Variants in ANKFN1 observed in about 807,000 individuals in gnomAD.
ANKFN1 encodes the protein ankyrin repeat and fibronectin type-III domain-containing protein 1.
In ANKFN1, 74 loss-of-function variants were observed where a neutral mutation model predicts 108.7. The observed-to-expected ratio is 0.68, with a 90% CI of 0.56 to 0.83. The LOEUF (loss-of-function observed/expected upper bound fraction) is 0.83, where lower values mean the gene tolerates loss of function less well. Ranked by LOEUF, ANKFN1 falls within the 40% of genes least tolerant of loss-of-function variation. ANKFN1 has a pLI of 0.00. For missense variants in ANKFN1, 1,505 were observed against 1,382.3 expected (o/e 1.09, Z -1.41); for synonymous variants, 547 against 516.2 (o/e 1.06, Z -0.81).
chr17:56,373,786 A>G (rs1258179583), intron 7 of ANKFN1, among the ~76,000 whole-genome samples: 2 of 152,256 alleles, frequency 1.3e-5, no homozygotes, highest in Non-Finnish European at 2.9e-5. Context: ...AAAGAGATTC[A>G]GCGCTTGCTT....
chr17:56,118,834 T>C (rs563235947), intron 4 of ANKFN1, among the ~76,000 whole-genome samples: 59 of 152,288 alleles, frequency 3.9e-4, no homozygotes, highest in African/African-American at 1.4e-3. Context: ...CAAAAGAGAT[T>C]TGGTCTCTGT....
At chr17:56,102,679 T>A (rs1905670110) in intron 4 of ANKFN1, among the ~76,000 whole-genome samples, 1 of 152,030 alleles carries the variant, frequency 6.6e-6, no homozygotes, top group South Asian at 2.1e-4. Flanking sequence ...ATTGTCAAGT[T>A]CTCCACATGA....
intron 4 of ANKFN1, among the ~76,000 whole-genome samples, chr17:56,074,498 CT>C (rs1198721498): frequency 6.6e-6 from 1 of 152,122 alleles, no homozygotes; most frequent in African/African-American, 2.4e-5. Flanking sequence ...GAGTAATTTG[CT>C]AAAGAAATGC....
Position 56,512,101 on chromosome 17 carries a change from G to A in ANKFN1, c.*832G>A, listed in dbSNP as rs2051792793. 6.7e-6 allele frequency among the ~76,000 whole-genome samples: 1 copy of A among 149,886 alleles called. No individual in the cohort carries two copies. Among genetic ancestry groups the A allele is most frequent in the African/African-American group, 2.6e-5 (1 of 39,212 alleles). Reference sequence around the variant, plus strand: ...GAAAGCCTGAATTACAGATAAGACAGGGGAGGGAGAGAGACATGGGCAGAA... The same window carrying A: ...GAAAGCCTGAATTACAGATAAGACAAGGGAGGGAGAGAGACATGGGCAGAA... On this transcript the variant is annotated 3_prime_UTR_variant, in exon 21 of 21. Transcript: ENST00000682825.
At chr17:56,466,049 G>A (rs993521634) in intron 14 of ANKFN1, among the ~76,000 whole-genome samples, 8 of 152,136 alleles carry the variant, frequency 5.3e-5, no homozygotes, top group Admixed American at 2.6e-4. Flanking sequence ...TTATGTACTG[G>A]TGTGCCTATG....
chr17:56,258,519 TG>T (rs1449737869), intron 3 of ANKFN1, among the ~76,000 whole-genome samples: 1 of 152,164 alleles, frequency 6.6e-6, no homozygotes, highest in African/African-American at 2.4e-5. Flanking sequence ...TGTTTACCAC[TG>T]GGCAGAATTT....
chr17:56,515,040 A>T lies in ANKFN1; in HGVS notation c.*3771A>T, dbSNP rs528399008. On this transcript the variant is annotated 3_prime_UTR_variant, in exon 21 of 21. Transcript: ENST00000682825. ...GTTCTTCATCCTGCAACCAAGATGT[A>T]CTTACCTTCTCTTGGAGAACTCACT... Among the ~76,000 whole-genome samples the T allele has an allele frequency of 5.9e-5, 9 of 152,086 alleles. No homozygotes were observed. The highest frequency in any genetic ancestry group is 1.7e-4 in the African/African-American group (7 of 41,510).
intron 1 of ANKFN1, among the ~76,000 whole-genome samples, chr17:56,167,773 G>T (rs544025340): frequency 1.9e-4 from 29 of 152,106 alleles, no homozygotes; most frequent in Non-Finnish European, 3.8e-4. Flanking sequence ...TATGTCATCT[G>T]GATCACGTGG....
intron 17 of ANKFN1, 40 bp downstream of exon 17, chr17:56,480,858 T>C: frequency 6.3e-7 from 1 of 1,594,842 alleles, no homozygotes; most frequent in Non-Finnish European, 8.6e-7. Context: ...TTTTTATGGC[T>C]CATGGAAACT....
At chr17:56,151,013 G>A (rs1022517067), upstream of ANKFN1, among the ~76,000 whole-genome samples, 1 of 152,188 alleles carries the variant, frequency 6.6e-6, no homozygotes, top group Non-Finnish European at 1.5e-5. Flanking sequence ...AGAGTGAGAG[G>A]CAGGATGGAG....
At position 56,301,920 on chromosome 17, in the gene ANKFN1, G is replaced by T. The variant is rs575077916; in HGVS notation, c.54-24301G>T. On this transcript the variant is annotated intron_variant, in intron 3 of 20. Transcript: ENST00000682825. ...TATCAAGGTTTTACATGATTAAGAT[G>T]TTGTAGGCAAGTGCAATGATCAGAA... Among the ~76,000 whole-genome samples, 9 of 152,296 alleles carry T rather than the reference G, an allele frequency of 5.9e-5. No homozygotes were observed. The South Asian group carries it at 1.9e-3, about 32-fold the overall frequency.
At chr17:56,165,999 C>A (rs1910100799) in intron 1 of ANKFN1, among the ~76,000 whole-genome samples, 1 of 152,186 alleles carries the variant, frequency 6.6e-6, no homozygotes, top group South Asian at 2.1e-4. Context: ...GCCTACCATA[C>A]TCTCACCATC....
At chr17:56,380,859 G>A (rs1758613129) in intron 8 of ANKFN1, among the ~76,000 whole-genome samples, 1 of 152,220 alleles carries the variant, frequency 6.6e-6, no homozygotes, top group African/African-American at 2.4e-5. Flanking sequence ...TAGGGGTAGG[G>A]CACAGACAAA....
At chr17:56,494,611 G>T (rs1161968523) in intron 19 of ANKFN1, among the ~76,000 whole-genome samples, 3 of 152,006 alleles carry the variant, frequency 2.0e-5, no homozygotes, top group African/African-American at 7.2e-5. Context: ...CACATTTTTA[G>T]TCCCAAATCT....
chr17:56,277,501 T>G (rs2043964455), intron 3 of ANKFN1, among the ~76,000 whole-genome samples: 1 of 152,224 alleles, frequency 6.6e-6, no homozygotes, highest in African/African-American at 2.4e-5. Flanking sequence ...AGGCACTATC[T>G]TGAATGCCTC....
intron 3 of ANKFN1, among the ~76,000 whole-genome samples, chr17:56,243,712 CCT>C (rs1305391156): frequency 3.9e-5 from 6 of 152,030 alleles, no homozygotes; most frequent in Non-Finnish European, 2.9e-5. Flanking sequence ...CATCCCATCC[CCT>C]GTTTATCTCC....
At chr17:56,374,827 TC>T in intron 8 of ANKFN1, 113 bp downstream of exon 8, 2 of 805,444 alleles carry the variant, frequency 2.5e-6, no homozygotes, top group Non-Finnish European at 3.9e-6. Context: ...AATGTTTTTA[TC>T]CCATTGACTT....
intron 8 of ANKFN1, among the ~76,000 whole-genome samples, chr17:56,438,179 G>A (rs750386896): frequency 2.6e-5 from 4 of 152,160 alleles, no homozygotes; most frequent in South Asian, 2.1e-4. Context: ...AATAAATCTC[G>A]TTTTTACAGA....
At position 56,457,065 on chromosome 17, in the gene ANKFN1, A is replaced by G; in HGVS notation, c.1307+105A>G. On this transcript the variant is annotated intron_variant, in intron 12 of 20. Coordinates refer to ENST00000682825, the MANE Select transcript of ANKFN1 (RefSeq NM_001370326.1). ...GAAATTTTTTTGTGTTCAAAACAAT[A>G]AAATTCACTTTTCTCCTGAGAATTT... 6 of 1,240,522 alleles carry G rather than the reference A, an allele frequency of 4.8e-6. No homozygotes were observed. The Admixed American group carries it at 7.6e-5, about 16-fold the overall frequency. 76.8% of individuals were successfully genotyped at this position (1,240,522 alleles called of 1,614,324 possible). A position where few individuals can be genotyped will look rare whatever the true frequency, so the allele number is the denominator to read the frequency against.
Sources: allele counts gnomAD v4.1 joint callset (sites outside exome capture counted in the v4.1 genomes callset), GRCh38; gene constraint gnomAD v4.1.1; transcripts MANE v1.5; gene names NCBI Gene and HGNC (gene_info 2026-07-23, HGNC 2026-07-21).